Variants in EYS observed in about 807,000 individuals in gnomAD.
EYS encodes protein eyes shut homolog.
Under a neutral mutation model 282.1 loss-of-function variants are expected in EYS, and 250 were observed. The ratio of observed to expected loss-of-function variants is 0.89; its 90% CI spans 0.80 to 0.98. The LOEUF (loss-of-function observed/expected upper bound fraction) is 0.98. Among genes scored for constraint, EYS ranks in the 50% least tolerant of loss-of-function variants. The pLI, the probability that EYS is intolerant of heterozygous loss-of-function variation, is 0.00. For synonymous variants in EYS, 1,355 were observed against 1,282.9 expected (o/e 1.06, Z -1.20); for missense variants, 4,016 against 3,709.0 (o/e 1.08, Z -2.15).
chr6:64,757,456 G>A (rs551668607), intron 22 of EYS, among the ~76,000 whole-genome samples: 147 of 152,152 alleles, frequency 9.7e-4, no homozygotes, highest in African/African-American at 3.5e-3. Context: ...AGCATATTGA[G>A]GAGTGGCACA....
intron 22 of EYS, among the ~76,000 whole-genome samples, chr6:64,646,718 T>G (rs527716489): frequency 6.6e-6 from 1 of 150,574 alleles, no homozygotes; most frequent in East Asian, 2.0e-4. Context: ...GGCAGGAGAA[T>G]GGCGTGAACC....
At chr6:65,222,721 A>C (rs949445805) in intron 12 of EYS, among the ~76,000 whole-genome samples, 1 of 152,226 alleles carries the variant, frequency 6.6e-6, no homozygotes, top group Non-Finnish European at 1.5e-5. Context: ...TTGTGAAGTC[A>C]CAGGATCTTT....
intron 28 of EYS, among the ~76,000 whole-genome samples, chr6:64,403,922 T>G (rs1380738946): frequency 6.6e-6 from 1 of 152,154 alleles, no homozygotes; most frequent in Non-Finnish European, 1.5e-5. Flanking sequence ...AAATCCAGTT[T>G]TTTGTTCGTG....
chr6:64,720,387 C>A (rs1771539140), intron 22 of EYS, among the ~76,000 whole-genome samples: 2 of 152,092 alleles, frequency 1.3e-5, no homozygotes, highest in South Asian at 4.1e-4. Context: ...TAACTTAATC[C>A]TTAAGTAAAT....
At chr6:65,259,900 ATCTC>A (rs1767572434) in intron 12 of EYS, among the ~76,000 whole-genome samples, 1 of 152,080 alleles carries the variant, frequency 6.6e-6, no homozygotes, top group South Asian at 2.1e-4. Context: ...AGCTCATGCA[ATCTC>A]TCTCAATTTC....
intron 5 of EYS, among the ~76,000 whole-genome samples, chr6:65,457,548 T>C (rs1764671136): frequency 6.6e-6 from 1 of 152,162 alleles, no homozygotes; most frequent in Non-Finnish European, 1.5e-5. Flanking sequence ...TGCTTGATGG[T>C]TGTCTTGGAA....
intron 15 of EYS, among the ~76,000 whole-genome samples, chr6:64,926,594 A>G (rs927438876): frequency 6.6e-6 from 1 of 151,874 alleles, no homozygotes; most frequent in Non-Finnish European, 1.5e-5. Flanking sequence ...TTCACTCACA[A>G]TTTTCTGCTG....
At chr6:65,383,791 T>C (rs1562140127) in intron 8 of EYS, among the ~76,000 whole-genome samples, 1 of 151,870 alleles carries the variant, frequency 6.6e-6, no homozygotes, top group Non-Finnish European at 1.5e-5. Flanking sequence ...TAACTAGTTT[T>C]TATAATTCCA....
At chr6:64,432,742 T>G (rs1254602477) in intron 28 of EYS, among the ~76,000 whole-genome samples, 1 of 151,950 alleles carries the variant, frequency 6.6e-6, no homozygotes, top group Admixed American at 6.6e-5. Flanking sequence ...CCTTCTACCT[T>G]AATGTTCTAC....
intron 41 of EYS, among the ~76,000 whole-genome samples, chr6:63,756,311 T>C (rs1384027958): frequency 6.6e-6 from 1 of 152,208 alleles, no homozygotes. Context: ...CATCAATACC[T>C]AGTTTATTAA....
At chr6:64,525,775 T>G (rs1777897802) in intron 26 of EYS, among the ~76,000 whole-genome samples, 1 of 151,848 alleles carries the variant, frequency 6.6e-6, no homozygotes, top group Non-Finnish European at 1.5e-5. Context: ...GGTAGGCATG[T>G]AAACAGGTAC....
chr6:64,104,917 A>G (rs2150261528), intron 31 of EYS, among the ~76,000 whole-genome samples: 1 of 152,182 alleles, frequency 6.6e-6, no homozygotes, highest in South Asian at 2.1e-4. Flanking sequence ...CAAATCGGCT[A>G]CTATTTGTGT....
chr6:64,794,486 G>T (rs1186091319), intron 22 of EYS, among the ~76,000 whole-genome samples: 1 of 152,030 alleles, frequency 6.6e-6, no homozygotes, highest in African/African-American at 2.4e-5. Context: ...TCTCTCTTCT[G>T]CCCACCATGT....
chr6:64,435,035 A>G (rs966362721), intron 28 of EYS, among the ~76,000 whole-genome samples: 8 of 151,916 alleles, frequency 5.3e-5, no homozygotes, highest in Admixed American at 1.3e-4. Flanking sequence ...GGAAATTATT[A>G]CCTCGACTGA....
intron 35 of EYS, among the ~76,000 whole-genome samples, chr6:63,949,001 G>A (rs552835963): frequency 2.0e-5 from 3 of 152,108 alleles, no homozygotes; most frequent in African/African-American, 4.8e-5. Context: ...TTACTACAGT[G>A]TACTACCTAT....
At chr6:65,688,795 A>G (rs1769126913) in intron 1 of EYS, among the ~76,000 whole-genome samples, 3 of 151,352 alleles carry the variant, frequency 2.0e-5, no homozygotes, top group Admixed American at 6.6e-5. Flanking sequence ...ACTGGCCATC[A>G]GAGAAATGCA....
At chr6:65,590,622 A>G (rs1194511253) in intron 2 of EYS, among the ~76,000 whole-genome samples, 1 of 151,928 alleles carries the variant, frequency 6.6e-6, no homozygotes, top group Non-Finnish European at 1.5e-5. Flanking sequence ...ACAACTTCTT[A>G]TTCCCCCACT....
chr6:63,855,808 A>T (rs1999579), intron 36 of EYS, among the ~76,000 whole-genome samples: 3 of 152,116 alleles, frequency 2.0e-5, no homozygotes, highest in African/African-American at 7.2e-5. Context: ...CCCATGCAAA[A>T]CTTGCACATC....
At chr6:64,554,096 G>A (rs1368736471) in intron 26 of EYS, among the ~76,000 whole-genome samples, 1 of 151,946 alleles carries the variant, frequency 6.6e-6, no homozygotes, top group Admixed American at 6.6e-5. Flanking sequence ...ATATTTGTAG[G>A]TTCAATTTAA....
Sources: allele counts gnomAD v4.1 joint callset (sites outside exome capture counted in the v4.1 genomes callset), GRCh38; gene constraint gnomAD v4.1.1; transcripts MANE v1.5; gene names NCBI Gene and HGNC (gene_info 2026-07-23, HGNC 2026-07-21).